The following UGT3A1 variants were observed in gnomAD, a reference collection of about 807,000 sequenced individuals.
UGT3A1 encodes UDP-glycosyltransferase 3A1.
UGT3A1 carries 40 observed loss-of-function variants against 37.6 expected under a neutral mutation model. The ratio of observed to expected loss-of-function variants is 1.06; its 90% CI spans 0.83 to 1.38. The LOEUF (loss-of-function observed/expected upper bound fraction) is 1.38, where lower values mean the gene tolerates loss of function less well. Among genes scored for constraint, UGT3A1 ranks in the 40% most tolerant of loss-of-function variants. The pLI is 0.00. For synonymous variants in UGT3A1, 256 were observed against 232.3 expected (o/e 1.10, Z -0.93); for missense variants, 642 against 634.2 (o/e 1.01, Z -0.13).
chr5:35,983,747 T>C (rs1231953464), intron 2 of UGT3A1, among the ~76,000 whole-genome samples: 3 of 152,030 alleles, frequency 2.0e-5, no homozygotes, highest in Admixed American at 6.6e-5. Context: ...GTTCAACATA[T>C]GCAAATCAAC....
intron 2 of UGT3A1, among the ~76,000 whole-genome samples, chr5:35,973,818 G>T (rs1740148841): frequency 6.6e-6 from 1 of 152,076 alleles, no homozygotes; most frequent in Non-Finnish European, 1.5e-5. Flanking sequence ...TAGCACTTAA[G>T]CACCAAAATC....
In UGT3A1 at chr5:35,957,393, A is replaced by G; in HGVS notation, c.870T>C (p.Phe290=). 1 of 1,614,136 alleles carries G rather than the reference A, an allele frequency of 6.2e-7. No homozygotes were observed. The highest frequency in any genetic ancestry group is 1.1e-5 in the South Asian group (1 of 91,048). ...PQDLDNFIAN[F]GDAGFVLVAF... ...CCACAAGGACAAACCCTGCATCCCCAAAGTTGGCAATGAAGTTGTCCAAGT... is the reference window on the plus strand; with the variant it reads ...CCACAAGGACAAACCCTGCATCCCCGAAGTTGGCAATGAAGTTGTCCAAGT... The change falls in exon 5 of 7, where the codon TTT becomes TTC. Residue 290 remains phenylalanine (F), a synonymous_variant. Transcript: ENST00000274278.
chr5:35,988,373 T>C (rs1740804722), intron 2 of UGT3A1, 77 bp downstream of exon 2: 1 of 1,065,094 alleles, frequency 9.4e-7, no homozygotes, highest in East Asian at 2.6e-5. Flanking sequence ...GTTTTTACTA[T>C]GCAGCTGTAT....
chr5:35,975,419 C>A (rs1482661804), intron 2 of UGT3A1, among the ~76,000 whole-genome samples: 2 of 152,170 alleles, frequency 1.3e-5, no homozygotes, highest in Non-Finnish European at 2.9e-5. Context: ...TATTCTTACT[C>A]AAAAAGCCAC....
At chr5:35,990,644 T>C (rs550645183) in intron 1 of UGT3A1, among the ~76,000 whole-genome samples, 1 of 152,160 alleles carries the variant, frequency 6.6e-6, no homozygotes, top group East Asian at 1.9e-4. Flanking sequence ...AGTCATGAAA[T>C]ACCTGCCTGC....
At position 35,983,781 on chromosome 5, in the gene UGT3A1, G is replaced by A. The variant is rs115051145; in HGVS notation, c.196+4669C>T. Among the ~76,000 whole-genome samples, 1,400 of 151,894 alleles carry A rather than the reference G, an allele frequency of 9.2e-3. 20 individuals are homozygous for A. The highest frequency in any genetic ancestry group is 0.032 in the African/African-American group (1,334 of 41,432). On this transcript the variant is annotated intron_variant, in intron 2 of 6. Coordinates refer to ENST00000274278, the MANE Select transcript of UGT3A1 (RefSeq NM_152404.4). Reference sequence around the variant, plus strand: ...ACAAACATGATACATCACATAAACAGAACCAAGAACAAAAACCATATGATA... The same window carrying A: ...ACAAACATGATACATCACATAAACAAAACCAAGAACAAAAACCATATGATA...
At chr5:35,979,214 T>C (rs1740421225) in intron 2 of UGT3A1, among the ~76,000 whole-genome samples, 1 of 152,094 alleles carries the variant, frequency 6.6e-6, no homozygotes, top group Admixed American at 6.5e-5. Flanking sequence ...ACACTTGGCT[T>C]CTCCTTACTT....
intron 2 of UGT3A1, among the ~76,000 whole-genome samples, chr5:35,973,639 C>T (rs556293925): frequency 6.6e-6 from 1 of 152,304 alleles, no homozygotes; most frequent in South Asian, 2.1e-4. Context: ...AAAGAGGACA[C>T]ATTTTTTTCA....
intron 1 of UGT3A1, among the ~76,000 whole-genome samples, chr5:35,989,345 A>G (rs1740848072): frequency 1.3e-5 from 2 of 152,220 alleles, no homozygotes; most frequent in Admixed American, 6.5e-5. Flanking sequence ...ATCTTCTCTT[A>G]GTGCATGTTC....
At chr5:35,975,390 TA>T (rs1740224386) in intron 2 of UGT3A1, among the ~76,000 whole-genome samples, 1 of 152,180 alleles carries the variant, frequency 6.6e-6, no homozygotes, top group Non-Finnish European at 1.5e-5. Flanking sequence ...CCAATTCCAT[TA>T]TGAAAGAGAT....
chr5:35,954,114 A>G lies in UGT3A1; in HGVS notation c.*88T>C. ...GGATCAGTGGCAGGTGGAGCTGAAG[A>G]GAGAACAGAGGGGTGGCGTGTGCTG... On this transcript the variant is annotated 3_prime_UTR_variant, in exon 7 of 7. Coordinates refer to ENST00000274278, the MANE Select transcript of UGT3A1 (RefSeq NM_152404.4). 1 of 1,410,078 alleles carries G rather than the reference A, an allele frequency of 7.1e-7. No individual in the cohort carries two copies. The highest frequency in any genetic ancestry group is 9.7e-7 in the Non-Finnish European group (1 of 1,030,050). The allele number at this position is 1,410,078 out of a possible 1,614,324, so 87.3% of individuals were successfully genotyped here. A position where few individuals can be genotyped will look rare whatever the true frequency, so the allele number is the denominator to read the frequency against.
intron 2 of UGT3A1, among the ~76,000 whole-genome samples, chr5:35,972,845 C>T (rs776951647): frequency 6.6e-6 from 1 of 151,340 alleles, no homozygotes; most frequent in Non-Finnish European, 1.5e-5. Context: ...ATTCCAAGCT[C>T]TGTCTCCACA....
upstream of UGT3A1, among the ~76,000 whole-genome samples, chr5:35,994,400 G>C (rs967062466): frequency 6.8e-4 from 100 of 146,768 alleles, no homozygotes; most frequent in African/African-American, 2.4e-3. Flanking sequence ...TATCAGGTTT[G>C]ACCAACTCCA....
At chr5:35,964,756 T>G (rs115283720) in intron 4 of UGT3A1, among the ~76,000 whole-genome samples, 1,623 of 152,302 alleles carry the variant, frequency 0.011, 36 homozygotes, top group African/African-American at 0.037. Flanking sequence ...GCCAACTCAT[T>G]TCAGCTCTCC....
rs777936331 is a variant in UGT3A1, at chr5:35,988,441, A to T, written c.196+9T>A. 29 of 1,582,712 alleles carry T rather than the reference A, an allele frequency of 1.8e-5. 1 individual carries two copies. In the South Asian group the frequency reaches 3.3e-4, roughly 18 times the overall value. The stretch of plus-strand genomic sequence containing the variant: ...AAAGAATATAAAAATTAGTTTTTAA[A>T]AAAGATACCTGGGATCAAAAACTTT... On this transcript the variant is annotated intron_variant, in intron 2 of 6. Transcript: ENST00000274278.
chr5:35,994,329 TTGTTTGTG>T (rs1741041334), upstream of UGT3A1, among the ~76,000 whole-genome samples: 1 of 89,524 alleles, frequency 1.1e-5, no homozygotes, highest in South Asian at 3.9e-4. Context: ...TTGTTTTGTT[TTGTTTGTG>T]TGTGTGTGTG....
In UGT3A1 at chr5:35,979,287, T is replaced by G. The variant is rs1290297644; in HGVS notation, c.196+9163A>C. ...AATGAGATTTTCTTTTCTATCACAT[T>G]GTCAGTCCGCAAACTTTTTGAACTT... On this transcript the variant is annotated intron_variant, in intron 2 of 6. Coordinates refer to ENST00000274278, the MANE Select transcript of UGT3A1 (RefSeq NM_152404.4). Among the ~76,000 whole-genome samples the G allele has an allele frequency of 3.9e-5, 6 of 152,332 alleles. No individual in the cohort carries two copies. In the East Asian group the frequency reaches 1.2e-3, roughly 29 times the overall value.
chr5:35,967,930 TA>T, intron 3 of UGT3A1, 88 bp downstream of exon 3: 1 of 1,034,420 alleles, frequency 9.7e-7, no homozygotes, highest in Non-Finnish European at 1.4e-6. Context: ...TCTATTTCTC[TA>T]AAACTCACTC....
chr5:35,955,162 G>A (rs1739303518), intron 6 of UGT3A1: 1 of 184,596 alleles, frequency 5.4e-6, no homozygotes, highest in Admixed American at 5.4e-5. Context: ...GAGTGGGAGA[G>A]GAGGCTAGTT....
Sources: allele counts gnomAD v4.1 joint callset (sites outside exome capture counted in the v4.1 genomes callset), GRCh38; gene constraint gnomAD v4.1.1; transcripts MANE v1.5; gene names NCBI Gene and HGNC (gene_info 2026-07-23, HGNC 2026-07-21).